COL5A2: variants seen among roughly 807,000 people sequenced by gnomAD.
COL5A2 encodes the protein collagen type V alpha 2 chain, also known as collagen alpha-2(V) chain.
In COL5A2, 23 loss-of-function variants were observed where a neutral mutation model predicts 208.2. The ratio of observed to expected loss-of-function variants is 0.11; its 90% confidence interval spans 0.08 to 0.16. The LOEUF is 0.16. Ranked by LOEUF, COL5A2 falls within the 10% of genes least tolerant of loss-of-function variation. The probability of loss-of-function intolerance (pLI) is 1.00; values close to 1 mark genes in which losing one functional copy is unlikely to be tolerated. For missense variants in COL5A2, 1,590 were observed against 1,956.4 expected, an observed-to-expected ratio of 0.81 and a Z score of 3.53; for synonymous variants, 625 against 628.5, an observed-to-expected ratio of 0.99 and a Z score of 0.08.
chr2:189,048,293 T>C (rs759167689), intron 44 of COL5A2, 31 bp from the exon 45 acceptor site: 1 of 1,598,648 alleles, frequency 6.3e-7, no homozygotes, highest in Non-Finnish European at 8.6e-7. Flanking sequence ...AAAAACTACT[T>C]AACTGAGTAA....
At chr2:189,087,533 G>A (rs1027480457) in intron 8 of COL5A2, among the ~76,000 whole-genome samples, 1 of 151,650 alleles carries the variant, frequency 6.6e-6, no homozygotes, top group Admixed American at 6.6e-5. Context: ...GCGCGACCTG[G>A]GCTCACTGCA....
rs965226193 is a variant in COL5A2, at chr2:189,077,727, A to C, written c.1059+789T>G. Among the ~76,000 whole-genome samples, 11 of 152,100 alleles carry C rather than the reference A, an allele frequency of 7.2e-5. No individual in the cohort carries two copies. The South Asian group carries it at 1.0e-3, about 14-fold the overall frequency. ...TTACACTTTCCAAATCAGGGCCCTG[A>C]ATTTGGTATTGTTGAGTAGCTCTGA... On this transcript the variant is annotated intron_variant, in intron 16 of 53. Coordinates refer to ENST00000374866, the MANE Select transcript of COL5A2 (RefSeq NM_000393.5).
At chr2:189,415,939 C>T in the COL5A2 span, among the ~76,000 whole-genome samples, 1 of 152,290 alleles carries the variant, frequency 6.6e-6, no homozygotes, top group Middle Eastern at 3.4e-3. Flanking sequence ...GGATTACAGG[C>T]GTGAGCCACT....
the COL5A2 span, among the ~76,000 whole-genome samples, chr2:189,419,662 G>A: frequency 6.6e-6 from 1 of 151,604 alleles, no homozygotes; most frequent in Non-Finnish European, 1.5e-5. Context: ...CAAGAGTGGT[G>A]GCACACGTCT....
At chr2:189,396,769 G>C in the COL5A2 span, among the ~76,000 whole-genome samples, 6 of 151,092 alleles carry the variant, frequency 4.0e-5, no homozygotes, top group African/African-American at 1.2e-4. Context: ...AGATCACCCA[G>C]ATCACCTGAG....
chr2:189,133,375 C>A (rs1208271171), intron 1 of COL5A2, among the ~76,000 whole-genome samples: 1 of 151,848 alleles, frequency 6.6e-6, no homozygotes, highest in Non-Finnish European at 1.5e-5. Flanking sequence ...CACCGCGGCC[C>A]CCCAACAAGT....
chr2:189,204,913 A>G (rs1689124532), intron 1 of COL5A2, among the ~76,000 whole-genome samples: 1 of 152,186 alleles, frequency 6.6e-6, no homozygotes, highest in South Asian at 2.1e-4. Flanking sequence ...GTAGATATTA[A>G]TGTTTTATCT....
At chr2:189,200,169 C>T (rs1315517171) in intron 1 of COL5A2, among the ~76,000 whole-genome samples, 1 of 152,082 alleles carries the variant, frequency 6.6e-6, no homozygotes. Flanking sequence ...TCTTTTTGGT[C>T]TTACTTTGAT....
Position 189,061,635 on chromosome 2 carries a change from A to G in COL5A2, c.1978-20T>C. ...TAGACCCTAAGTTGTGAAGGAGAAA[A>G]TAATTGTGAATATAACCAGATCTTT... On this transcript the variant is annotated intron_variant, in intron 29 of 53. Transcript: ENST00000374866. The G allele has an allele frequency of 6.3e-7, 1 of 1,579,790 alleles. No homozygotes were observed. The highest frequency in any genetic ancestry group is 8.7e-7 in the Non-Finnish European group (1 of 1,148,904).
chr2:189,315,615 C>T, the COL5A2 span, among the ~76,000 whole-genome samples: 5 of 152,012 alleles, frequency 3.3e-5, no homozygotes, highest in South Asian at 2.1e-4. Context: ...AAAGGGTATT[C>T]GAATAGGAAG....
At chr2:189,241,042 G>A in the COL5A2 span, among the ~76,000 whole-genome samples, 10 of 152,010 alleles carry the variant, frequency 6.6e-5, no homozygotes, top group Non-Finnish European at 1.3e-4. Flanking sequence ...AGCTTGCCAC[G>A]CAAAGTTAAT....
At chr2:189,313,557 ACAT>A in the COL5A2 span, among the ~76,000 whole-genome samples, 1 of 152,216 alleles carries the variant, frequency 6.6e-6, no homozygotes, top group Non-Finnish European at 1.5e-5. Flanking sequence ...TAACTAGCTA[ACAT>A]CATGATGACA....
chr2:189,038,817 GTAGCTGGAAC>G lies in COL5A2; in HGVS notation c.3925+445_3925+454del, dbSNP rs1240365508. 6.6e-5 allele frequency among the ~76,000 whole-genome samples: 10 copies of G among 152,174 alleles called. No homozygotes were observed. In the East Asian group the frequency reaches 1.9e-3, roughly 29 times the overall value. On this transcript the variant is annotated intron_variant, in intron 51 of 53. Transcript: ENST00000374866. ...CCACTCTCCTGCCTCAGCCTCCCGA[GTAGCTGGAAC>G]TACAGGCACCCGCCACCACGCCTGA...
At chr2:189,395,230 C>T in the COL5A2 span, among the ~76,000 whole-genome samples, 4,294 of 152,198 alleles carry the variant, frequency 0.028, 204 homozygotes, top group African/African-American at 0.098. Flanking sequence ...TTAAAGATTT[C>T]TTCATCCCTT....
At chr2:189,140,232 T>G (rs1381296437) in intron 1 of COL5A2, among the ~76,000 whole-genome samples, 1 of 152,154 alleles carries the variant, frequency 6.6e-6, no homozygotes, top group African/African-American at 2.4e-5. Flanking sequence ...CTTTAACATA[T>G]GTACATACAT....
chr2:189,330,696 T>G, the COL5A2 span, among the ~76,000 whole-genome samples: 1 of 152,194 alleles, frequency 6.6e-6, no homozygotes, highest in Non-Finnish European at 1.5e-5. Context: ...ATTCCTGATC[T>G]TGCCCTCAAA....
intron 32 of COL5A2, 96 bp downstream of exon 32, chr2:189,058,753 A>G: frequency 8.7e-7 from 1 of 1,151,994 alleles, no homozygotes; most frequent in Non-Finnish European, 1.3e-6. Flanking sequence ...AAGAATTTAT[A>G]GGTTAAAATA....
intron 10 of COL5A2, 118 bp downstream of exon 10, chr2:189,085,601 G>A (rs748434348): frequency 4.8e-6 from 4 of 831,294 alleles, no homozygotes; most frequent in East Asian, 2.6e-5. Context: ...CTCCCAAACT[G>A]GATTGTTATT....
chr2:189,106,390 T>A (rs914298359), intron 2 of COL5A2, among the ~76,000 whole-genome samples: 1 of 151,408 alleles, frequency 6.6e-6, no homozygotes, highest in Non-Finnish European at 1.5e-5. Flanking sequence ...TTCCTATTAT[T>A]TCTTCTATGA....
Sources: allele counts gnomAD v4.1 joint callset (sites outside exome capture counted in the v4.1 genomes callset), GRCh38; gene constraint gnomAD v4.1.1; transcripts MANE v1.5; gene names NCBI Gene and HGNC (gene_info 2026-07-23, HGNC 2026-07-21).